RBFOX1: variants seen among roughly 807,000 people sequenced by gnomAD.
RBFOX1 encodes the protein RNA binding protein fox-1 homolog 1.
RBFOX1 carries 8 observed loss-of-function variants against 57.7 expected under a neutral mutation model. That is an observed-to-expected ratio of 0.14 (90% CI 0.08 to 0.25). RBFOX1 has a LOEUF of 0.25. Among genes scored for constraint, RBFOX1 ranks in the 10% least tolerant of loss-of-function variants. RBFOX1 has a pLI of 1.00. For missense variants in RBFOX1, 611 were observed against 548.5 expected (o/e 1.11, Z -1.14); for synonymous variants, 326 against 222.4 (o/e 1.47, Z -4.15).
At chr16:6,871,802 ATGT>A (rs1229566772) in intron 3 of RBFOX1, among the ~76,000 whole-genome samples, 1 of 152,104 alleles carries the variant, frequency 6.6e-6, no homozygotes, top group Admixed American at 6.5e-5. Context: ...AAGTCTGGAA[ATGT>A]TGTCAGTGGC....
intron 4 of RBFOX1, among the ~76,000 whole-genome samples, chr16:7,359,743 G>C (rs900903966): frequency 6.6e-6 from 1 of 152,186 alleles, no homozygotes; most frequent in Admixed American, 6.5e-5. Context: ...CCAGCACTTT[G>C]GGAGGCTGAG....
At chr16:5,816,911 TG>T in intron 3 of RBFOX1, among the ~76,000 whole-genome samples, 1 of 152,358 alleles carries the variant, frequency 6.6e-6, no homozygotes, top group East Asian at 1.9e-4. Flanking sequence ...ATGGAGTACC[TG>T]AGATGTGTTG....
At chr16:5,386,551 A>G (rs183004988) in intron 1 of RBFOX1, among the ~76,000 whole-genome samples, 211 of 152,066 alleles carry the variant, frequency 1.4e-3, no homozygotes, top group Middle Eastern at 3.4e-3. Context: ...TCAGACGTTA[A>G]CTCACTGGCC....
intron 1 of RBFOX1, among the ~76,000 whole-genome samples, chr16:6,148,138 G>T (rs149814441): frequency 6.6e-6 from 1 of 152,174 alleles, no homozygotes; most frequent in South Asian, 2.1e-4. Flanking sequence ...ACACCAGCCC[G>T]GCAAACATGG....
At chr16:7,610,228 T>C (rs1048809000) in intron 10 of RBFOX1, among the ~76,000 whole-genome samples, 1 of 150,108 alleles carries the variant, frequency 6.7e-6, no homozygotes, top group Non-Finnish European at 1.5e-5. Flanking sequence ...CATGCAATTC[T>C]TCTGCCTTAG....
At chr16:5,629,332 C>T (rs2048435195) in intron 3 of RBFOX1, among the ~76,000 whole-genome samples, 1 of 152,200 alleles carries the variant, frequency 6.6e-6, no homozygotes, top group African/African-American at 2.4e-5. Context: ...AGAATGGATA[C>T]AGCAGCTAAC....
At chr16:5,813,934 G>A (rs191059414) in intron 3 of RBFOX1, among the ~76,000 whole-genome samples, 76 of 152,332 alleles carry the variant, frequency 5.0e-4, no homozygotes, top group African/African-American at 1.8e-3. Flanking sequence ...CTTATCGTAG[G>A]TGTTTAACTA....
chr16:6,938,812 A>G lies in RBFOX1; in HGVS notation c.-15-113245A>G, dbSNP rs547258751. On this transcript the variant is annotated intron_variant, in intron 3 of 15. Coordinates refer to ENST00000550418, the MANE Select transcript of RBFOX1 (RefSeq NM_018723.4). ...CTGGGTGTGGTGGGTTGTGCCTGTA[A>G]TCCCAGCTACTCGGTAGGCTGAGGC... Among the ~76,000 whole-genome samples the G allele has an allele frequency of 1.2e-4, 19 of 152,262 alleles. No individual in the cohort carries two copies. The South Asian group carries it at 3.9e-3, about 32-fold the overall frequency.
chr16:7,225,984 G>A (rs562223028), intron 4 of RBFOX1, among the ~76,000 whole-genome samples: 11 of 151,336 alleles, frequency 7.3e-5, no homozygotes, highest in South Asian at 4.2e-4. Flanking sequence ...ACCAAATGGC[G>A]ATGCTCTAAG....
At chr16:6,178,010 A>T (rs184296992) in intron 1 of RBFOX1, among the ~76,000 whole-genome samples, 1 of 151,310 alleles carries the variant, frequency 6.6e-6, no homozygotes, top group South Asian at 2.1e-4. Context: ...TAAATTTATA[A>T]CTTTAAATTG....
intron 3 of RBFOX1, among the ~76,000 whole-genome samples, chr16:7,010,368 C>G (rs568979073): frequency 1.5e-4 from 23 of 152,282 alleles, no homozygotes; most frequent in Admixed American, 9.8e-4. Context: ...TGTACAGACT[C>G]TTACGCTAGG....
chr16:6,951,772 C>T (rs370544709), intron 3 of RBFOX1, among the ~76,000 whole-genome samples: 12 of 152,042 alleles, frequency 7.9e-5, no homozygotes, highest in Non-Finnish European at 1.2e-4. Context: ...CTCGCTCTTT[C>T]GCCCAGACTG....
At chr16:6,091,470 A>G (rs1230837817) in intron 1 of RBFOX1, among the ~76,000 whole-genome samples, 1 of 152,114 alleles carries the variant, frequency 6.6e-6, no homozygotes, top group South Asian at 2.1e-4. Flanking sequence ...TGAGCGGTCT[A>G]TATCTATTTT....
chr16:7,430,862 T>C (rs1229347887), intron 4 of RBFOX1, among the ~76,000 whole-genome samples: 2 of 152,198 alleles, frequency 1.3e-5, no homozygotes, highest in East Asian at 3.9e-4. Context: ...GGCTTGGTTA[T>C]CATGAATATT....
At chr16:5,577,077 G>A (rs977925764) in intron 2 of RBFOX1, among the ~76,000 whole-genome samples, 2 of 152,276 alleles carry the variant, frequency 1.3e-5, no homozygotes, top group East Asian at 3.9e-4. Flanking sequence ...TCTAATGCAG[G>A]ATACTGTCAG....
chr16:7,068,032 G>C (rs2056514265), intron 4 of RBFOX1, among the ~76,000 whole-genome samples: 1 of 149,494 alleles, frequency 6.7e-6, no homozygotes, highest in Admixed American at 6.7e-5. Flanking sequence ...CACTCTCATG[G>C]TTTGACTCTC....
At chr16:7,019,062 AAGTGTGTGTGTGTG>A (rs1347802827) in intron 3 of RBFOX1, among the ~76,000 whole-genome samples, 1 of 152,040 alleles carries the variant, frequency 6.6e-6, no homozygotes, top group South Asian at 2.1e-4. Flanking sequence ...TAGTTTTTAG[AAGTGTGTGTGTGTG>A]AGTGTGTGTA....
At chr16:5,589,600 A>G (rs2046940795) in intron 2 of RBFOX1, among the ~76,000 whole-genome samples, 1 of 152,222 alleles carries the variant, frequency 6.6e-6, no homozygotes, top group Non-Finnish European at 1.5e-5. Flanking sequence ...GTGTTGATGA[A>G]GGATCACTAC....
intron 4 of RBFOX1, among the ~76,000 whole-genome samples, chr16:5,915,805 C>T (rs144889670): frequency 3.3e-5 from 5 of 151,960 alleles, no homozygotes; most frequent in Admixed American, 2.0e-4. Flanking sequence ...GCACTCCAGC[C>T]TGGGTGACAG....
Sources: allele counts gnomAD v4.1 joint callset (sites outside exome capture counted in the v4.1 genomes callset), GRCh38; gene constraint gnomAD v4.1.1; transcripts MANE v1.5; gene names NCBI Gene and HGNC (gene_info 2026-07-23, HGNC 2026-07-21).